SMAD2: variants seen among roughly 807,000 people sequenced by gnomAD.
The protein encoded by SMAD2 is MAD homolog 2.
A neutral mutation model predicts 64.4 loss-of-function variants in SMAD2; 8 were observed. That is an observed-to-expected ratio of 0.12 (90% CI 0.07 to 0.22). The LOEUF is 0.22. Ranked by LOEUF, SMAD2 falls within the 10% of genes least tolerant of loss-of-function variation. The pLI is 1.00. For missense variants in SMAD2, 289 were observed against 561.2 expected, an observed-to-expected ratio of 0.51 and a Z score of 4.90; for synonymous variants, 203 against 195.8, an observed-to-expected ratio of 1.04 and a Z score of -0.31.
In SMAD2 at chr18:47,819,021, TTG is replaced by T. The variant is rs1268939046; in HGVS notation, c.*22804_*22805del. The T allele has an allele frequency of 6.6e-6, 1 of 152,258 alleles. No homozygotes were observed. Among genetic ancestry groups the T allele is most frequent in the African/African-American group, 2.4e-5 (1 of 41,468 alleles). The allele number at this position is 152,258 out of a possible 1,614,324, so 9.4% of individuals were successfully genotyped here. The stretch of plus-strand genomic sequence containing the variant: ...CACATATGTATATATATGTTGTATG[TTG>T]TGTCTACGTGGTAAAATCTGGCAGT... On this transcript the variant is annotated 3_prime_UTR_variant, in exon 11 of 11. Transcript: ENST00000262160.
intron 1 of SMAD2, chr18:47,923,466 T>C (rs1015730393): frequency 5.3e-5 from 8 of 152,242 alleles, no homozygotes; most frequent in Admixed American, 3.3e-4. Context: ...CAGCTGCATA[T>C]GGCTATCTAA....
chr18:47,899,284 G>C (rs2033580167), intron 1 of SMAD2, among the ~76,000 whole-genome samples: 1 of 152,088 alleles, frequency 6.6e-6, no homozygotes, highest in Non-Finnish European at 1.5e-5. Flanking sequence ...AGAAGGAGGT[G>C]CCCGATAAGC....
intron 1 of SMAD2, among the ~76,000 whole-genome samples, chr18:47,928,469 A>G (rs2034857242): frequency 6.6e-6 from 1 of 152,264 alleles, no homozygotes; most frequent in East Asian, 1.9e-4. Context: ...ACCTCTGGCC[A>G]TCTTGAAGTA....
At chr18:47,896,865 T>C in intron 1 of SMAD2, 56 bp from the exon 2 acceptor site, 2 of 1,477,782 alleles carry the variant, frequency 1.4e-6, no homozygotes, top group Non-Finnish European at 1.8e-6. Context: ...CAAGTAATAA[T>C]TTCAACTTAT....
chr18:47,846,278 A>C (rs1914480500), intron 8 of SMAD2, among the ~76,000 whole-genome samples: 1 of 152,164 alleles, frequency 6.6e-6, no homozygotes, highest in African/African-American at 2.4e-5. Context: ...TAGATGTATA[A>C]GCATGATTAG....
At chr18:47,860,801 A>C (rs915961416) in intron 6 of SMAD2, among the ~76,000 whole-genome samples, 1 of 152,196 alleles carries the variant, frequency 6.6e-6, no homozygotes, top group Non-Finnish European at 1.5e-5. Flanking sequence ...TTATAAACGC[A>C]GAAAAAAAAT....
rs896386212 is a variant in SMAD2 at position 47,812,742 on chromosome 18, GC to G, written c.*29084del. 4.6e-5 allele frequency: 7 copies of G among 152,124 alleles called. No homozygotes were observed. Among genetic ancestry groups the G allele is most frequent in the Admixed American group, 1.3e-4 (2 of 15,272 alleles). 9.4% of individuals were successfully genotyped at this position (152,124 alleles called of 1,614,324 possible). ...AATCAAATCTAAAGCACATTTTATA[GC>G]ACACACACTCGCTATTCCAAGGTTC... On this transcript the variant is annotated 3_prime_UTR_variant, in exon 11 of 11. Coordinates refer to ENST00000262160, the MANE Select transcript of SMAD2 (RefSeq NM_005901.6).
chr18:47,901,177 T>C (rs907511137), intron 1 of SMAD2, among the ~76,000 whole-genome samples: 3 of 152,184 alleles, frequency 2.0e-5, no homozygotes, highest in Non-Finnish European at 2.9e-5. Flanking sequence ...TTTTGGTTTA[T>C]AGATGTTTGG....
chr18:47,886,578 T>TATCC lies in SMAD2; in HGVS notation c.236+9942_236+9943insGGAT, dbSNP rs148326748. ...CTATATCTATATCTATCCATCTATC[T>TATCC]ATCTATCTATCTATCTATCTATCTA... On this transcript the variant is annotated intron_variant, in intron 2 of 10. Transcript: ENST00000262160. 4.1e-4 allele frequency among the ~76,000 whole-genome samples: 51 copies of TATCC among 124,082 alleles called. No homozygotes were observed. In the East Asian group the frequency reaches 9.7e-3, roughly 24 times the overall value. The allele number at this position is 124,082 out of a possible 152,430, so 81.4% of individuals were successfully genotyped here.
chr18:47,891,980 G>T (rs2033217787), intron 2 of SMAD2, among the ~76,000 whole-genome samples: 1 of 152,036 alleles, frequency 6.6e-6, no homozygotes, highest in South Asian at 2.1e-4. Flanking sequence ...ATCTCTAAAA[G>T]TTCATAATTA....
At chr18:47,914,313 T>A (rs1350603001) in intron 1 of SMAD2, among the ~76,000 whole-genome samples, 1 of 152,210 alleles carries the variant, frequency 6.6e-6, no homozygotes, top group East Asian at 1.9e-4. Flanking sequence ...ACCTTGCTTT[T>A]CAAAGAAATC....
At chr18:47,851,360 AT>A (rs771831980) in intron 6 of SMAD2, 33 bp from the exon 7 acceptor site, 1 of 1,443,188 alleles carries the variant, frequency 6.9e-7, no homozygotes, top group Non-Finnish European at 9.8e-7. Flanking sequence ...TAAATGAAGT[AT>A]TTCCAGAACT....
At position 47,930,449 on chromosome 18, in the gene SMAD2, G is replaced by A. The variant is rs533065133; in HGVS notation, c.-142C>T. The A allele has an allele frequency of 3.4e-4, 52 of 152,224 alleles. No homozygotes were observed. The highest frequency in any genetic ancestry group is 1.1e-3 in the African/African-American group (47 of 41,528). 9.4% of individuals were successfully genotyped at this position (152,224 alleles called of 1,614,324 possible). A position where few individuals can be genotyped will look rare whatever the true frequency, so the allele number is the denominator to read the frequency against. On this transcript the variant is annotated 5_prime_UTR_variant, in exon 1 of 11. Coordinates refer to ENST00000262160, the MANE Select transcript of SMAD2 (RefSeq NM_005901.6). ...CTCTTCCGATGGGATGGAGGGGGCT[G>A]GGAGGGGAAGAGGGGAATGGGCGAT...
At chr18:47,860,394 C>T (rs2031081909) in intron 6 of SMAD2, among the ~76,000 whole-genome samples, 2 of 151,826 alleles carry the variant, frequency 1.3e-5, no homozygotes, top group Non-Finnish European at 2.9e-5. Flanking sequence ...ACCTTAGCCT[C>T]TTAAGTAGCT....
At position 47,854,835 on chromosome 18, in the gene SMAD2, A is replaced by G. The variant is rs942465621; in HGVS notation, c.731-3508T>C. Among the ~76,000 whole-genome samples, 9 of 152,316 alleles carry G rather than the reference A, an allele frequency of 5.9e-5. No individual in the cohort carries two copies. In the South Asian group the frequency reaches 8.3e-4, roughly 14 times the overall value. On this transcript the variant is annotated intron_variant, in intron 6 of 10. Transcript: ENST00000262160. ...CGCAAACCACAATGGTCCATTTGTT[A>G]TAATAATGAACCTACACTGATACAT...
intron 8 of SMAD2, among the ~76,000 whole-genome samples, chr18:47,846,994 C>T (rs1284183354): frequency 6.6e-6 from 1 of 151,960 alleles, no homozygotes; most frequent in South Asian, 2.1e-4. Flanking sequence ...TGGGAAAACA[C>T]TAAGTCCAAA....
chr18:47,864,601 A>G (rs1168927444), intron 6 of SMAD2, among the ~76,000 whole-genome samples: 2 of 152,170 alleles, frequency 1.3e-5, no homozygotes, highest in African/African-American at 4.8e-5. Context: ...TTGATAGCTA[A>G]GCATAAGAAA....
chr18:47,869,231 C>A lies in SMAD2; in HGVS notation c.520+12G>T. The A allele has an allele frequency of 6.2e-7, 1 of 1,603,076 alleles. No individual in the cohort carries two copies. The highest frequency in any genetic ancestry group is 2.2e-5 in the East Asian group (1 of 44,794). ...AATTCAAAACCAAGAAAAAAACTTG[C>A]AATATTCCTACCTGGTGTCTCAACT... On this transcript the variant is annotated intron_variant, in intron 4 of 10. Coordinates refer to ENST00000262160, the MANE Select transcript of SMAD2 (RefSeq NM_005901.6).
chr18:47,896,440 T>C (rs2033442338), intron 2 of SMAD2, 81 bp downstream of exon 2: 1 of 1,462,342 alleles, frequency 6.8e-7, no homozygotes, highest in Non-Finnish European at 9.6e-7. Flanking sequence ...TACAGGCAAC[T>C]TGAAAGGAAC....
Sources: gnomAD v4.1 joint callset for allele counts (sites outside exome capture counted in the v4.1 genomes callset) on GRCh38, gnomAD v4.1.1 for gene constraint, MANE v1.5 for transcripts, NCBI Gene and HGNC (gene_info 2026-07-23, HGNC 2026-07-21) for gene names.